Variants in SNX18 observed in about 807,000 individuals in gnomAD.
SNX18 encodes sorting nexin-18.
Under a neutral mutation model 48.7 loss-of-function variants are expected in SNX18, and 35 were observed. That is an observed-to-expected ratio of 0.72 (90% CI 0.55 to 0.95). The LOEUF (loss-of-function observed/expected upper bound fraction) is 0.95. SNX18 is among the 40% of genes least tolerant of loss of function. The pLI is 0.00. For synonymous variants in SNX18, 492 were observed against 384.7 expected (o/e 1.28, Z -3.26); for missense variants, 824 against 871.0 (o/e 0.95, Z 0.68).
At chr5:54,576,804 T>TGCTA in the SNX18 span, among the ~76,000 whole-genome samples, 2 of 151,816 alleles carry the variant, frequency 1.3e-5, no homozygotes, top group South Asian at 2.1e-4. Flanking sequence ...TTTGTTTGCT[T>TGCTA]GCTTGTTTGT....
chr5:54,519,464 C>A lies in SNX18; in HGVS notation c.1512C>A (p.Gly504=), dbSNP rs1761966490. 1 of 1,614,190 alleles carries A rather than the reference C, an allele frequency of 6.2e-7. No homozygotes were observed. ...AFTGDAYDAI[G]ELFAEQPRQD... ...CCGGAGATGCCTATGACGCCATTGG[C>A]GAGCTCTTCGCGGAGCAGCCCAGGC... is the stretch of plus-strand genomic sequence containing the variant. The change falls in exon 1 of 2, where the codon GGC becomes GGA. Residue 504 remains glycine, a synonymous_variant. Coordinates refer to ENST00000381410, the MANE Select transcript of SNX18 (RefSeq NM_001102575.2).
intron 1 of SNX18, among the ~76,000 whole-genome samples, chr5:54,542,349 T>G (rs1288515270): frequency 6.6e-6 from 1 of 152,216 alleles, no homozygotes; most frequent in African/African-American, 2.4e-5. Context: ...ATGGAACCGC[T>G]GGCATCATTC....
chr5:54,550,450 C>A (rs568075959), downstream of SNX18, among the ~76,000 whole-genome samples: 1 of 151,662 alleles, frequency 6.6e-6, no homozygotes, highest in African/African-American at 2.4e-5. Flanking sequence ...TTAAAAAAAA[C>A]AAGATGAGGA....
At chr5:54,522,879 G>A (rs1212545185) in intron 1 of SNX18, among the ~76,000 whole-genome samples, 1 of 152,196 alleles carries the variant, frequency 6.6e-6, no homozygotes, top group Non-Finnish European at 1.5e-5. Context: ...AGTGAAGAAA[G>A]CGATATACTT....
At chr5:54,633,796 G>A in the SNX18 span, among the ~76,000 whole-genome samples, 1 of 152,186 alleles carries the variant, frequency 6.6e-6, no homozygotes, top group Admixed American at 6.5e-5. Flanking sequence ...CACTTTGTGT[G>A]CTGGGATAGT....
At chr5:54,601,823 G>A in the SNX18 span, among the ~76,000 whole-genome samples, 2 of 151,876 alleles carry the variant, frequency 1.3e-5, no homozygotes, top group African/African-American at 2.4e-5. Context: ...TTTCTCACCT[G>A]TCTGCTTCAG....
chr5:54,528,013 A>G (rs1011671620), intron 1 of SNX18, among the ~76,000 whole-genome samples: 6 of 152,142 alleles, frequency 3.9e-5, no homozygotes. Flanking sequence ...GACTTTACAT[A>G]ATTCATTGGG....
At chr5:54,624,937 G>T in the SNX18 span, among the ~76,000 whole-genome samples, 18 of 152,200 alleles carry the variant, frequency 1.2e-4, no homozygotes, top group African/African-American at 4.1e-4. Context: ...TGGAAGCCAG[G>T]TCGGTACAAA....
At chr5:54,530,829 A>G (rs866474214) in intron 1 of SNX18, among the ~76,000 whole-genome samples, 44 of 135,678 alleles carry the variant, frequency 3.2e-4, no homozygotes, top group African/African-American at 1.2e-3. Flanking sequence ...TCGGCTCACC[A>G]TAACCTCCAC....
At chr5:54,605,835 A>G in the SNX18 span, among the ~76,000 whole-genome samples, 1 of 151,880 alleles carries the variant, frequency 6.6e-6, no homozygotes, top group Non-Finnish European at 1.5e-5. Flanking sequence ...AAATCTAAAA[A>G]CTTTTTTTTG....
chr5:54,538,367 C>T (rs771805931), intron 1 of SNX18, among the ~76,000 whole-genome samples: 15 of 152,250 alleles, frequency 9.9e-5, no homozygotes, highest in Admixed American at 7.2e-4. Context: ...AGTGGTTCTG[C>T]GTGTTAGTCC....
the SNX18 span, among the ~76,000 whole-genome samples, chr5:54,577,907 A>G: frequency 3.3e-5 from 5 of 152,362 alleles, no homozygotes; most frequent in Middle Eastern, 3.4e-3. Flanking sequence ...CAGTGTGAAG[A>G]AGTAAACTAA....
At chr5:54,531,714 A>G (rs1395976896) in intron 1 of SNX18, among the ~76,000 whole-genome samples, 1 of 152,190 alleles carries the variant, frequency 6.6e-6, no homozygotes, top group East Asian at 1.9e-4. Context: ...TGCCAGTGCG[A>G]GGCAGCGGGA....
the SNX18 span, among the ~76,000 whole-genome samples, chr5:54,604,263 G>A: frequency 6.6e-6 from 1 of 152,230 alleles, no homozygotes; most frequent in African/African-American, 2.4e-5. Flanking sequence ...CTACCACTAG[G>A]TATAACACCT....
chr5:54,521,673 C>T (rs1297591820), intron 1 of SNX18, among the ~76,000 whole-genome samples: 9 of 152,094 alleles, frequency 5.9e-5, no homozygotes, highest in African/African-American at 2.2e-4. Flanking sequence ...CCATTGCCCT[C>T]CAGCTTGGGT....
chr5:54,519,806 A>T (rs201770335), intron 1 of SNX18: 1 of 1,612,458 alleles, frequency 6.2e-7, no homozygotes, highest in African/African-American at 1.3e-5. Context: ...CGAAGGTTCA[A>T]AGAGTACCTT....
At chr5:54,638,020 T>C in the SNX18 span, among the ~76,000 whole-genome samples, 3 of 140,260 alleles carry the variant, frequency 2.1e-5, no homozygotes, top group African/African-American at 4.9e-5. Flanking sequence ...AGAGAACATT[T>C]TCTCCAATTT....
At chr5:54,635,850 CA>C in the SNX18 span, among the ~76,000 whole-genome samples, 1 of 152,146 alleles carries the variant, frequency 6.6e-6, no homozygotes, top group Non-Finnish European at 1.5e-5. Context: ...TTTCTTTTTG[CA>C]CTGGGCCCTA....
the SNX18 span, among the ~76,000 whole-genome samples, chr5:54,552,144 C>T: frequency 1.3e-5 from 2 of 152,220 alleles, no homozygotes; most frequent in Admixed American, 6.5e-5. Flanking sequence ...AAATCTGTGC[C>T]TCCGCGACGT....
Sources: gnomAD v4.1 joint callset for allele counts (sites outside exome capture counted in the v4.1 genomes callset) on GRCh38, gnomAD v4.1.1 for gene constraint, MANE v1.5 for transcripts, NCBI Gene and HGNC (gene_info 2026-07-23, HGNC 2026-07-21) for gene names.